ATP6V1B1: variants seen among roughly 807,000 people sequenced by gnomAD.
The protein encoded by ATP6V1B1 is V-type proton ATPase subunit B, kidney isoform.
A neutral mutation model predicts 62.1 loss-of-function variants in ATP6V1B1; 41 were observed. That is an observed-to-expected ratio of 0.66 (90% CI 0.51 to 0.86). The LOEUF (loss-of-function observed/expected upper bound fraction) is 0.86. ATP6V1B1 is among the 40% of genes least tolerant of loss of function. The pLI, the probability that ATP6V1B1 is intolerant of heterozygous loss-of-function variation, is 0.00. For synonymous variants in ATP6V1B1, 253 were observed against 273.4 expected (o/e 0.93, Z 0.74); for missense variants, 651 against 697.5 (o/e 0.93, Z 0.75).
intron 2 of ATP6V1B1, among the ~76,000 whole-genome samples, chr2:70,944,796 G>A (rs1328315942): frequency 6.6e-6 from 1 of 151,592 alleles, no homozygotes; most frequent in Non-Finnish European, 1.5e-5. Flanking sequence ...AGCCTCCCGA[G>A]TAGCTGGGAC....
In ATP6V1B1 at chr2:70,963,307, A is replaced by G. The variant is rs766481835; in HGVS notation, c.1055A>G (p.Asn352Ser). The change falls in exon 10 of 14, where the codon AAC (asparagine) becomes AGC (serine). Residue 352 changes from asparagine to serine, a missense_variant. Physicochemically the swap from Asn to Ser is conservative, Grantham distance 46 (BLOSUM62 1). Transcript: ENST00000234396. This position sits in a 1 kb window ranked among gnomAD's most constrained non-coding sequence, Gnocchi z 4.3. ...CAGATCCCCATCCTCACCATGCCCAACGACGGTAGCCTCCTCACAGCCCAC... is the reference window on the plus strand; with the variant it reads ...CAGATCCCCATCCTCACCATGCCCAGCGACGGTAGCCTCCTCACAGCCCAC... ...ITQIPILTMP[N>S]DDITHPIPDL... The G allele has an allele frequency of 6.8e-6, 11 of 1,612,884 alleles. No homozygotes were observed. Among genetic ancestry groups the G allele is most frequent in the Non-Finnish European group, 8.5e-6 (10 of 1,180,002 alleles).
intron 2 of ATP6V1B1, among the ~76,000 whole-genome samples, chr2:70,956,866 T>A (rs1449330297): frequency 6.6e-6 from 1 of 152,190 alleles, no homozygotes; most frequent in Non-Finnish European, 1.5e-5. Flanking sequence ...ATTACAGGCA[T>A]GAACCACCTT....
chr2:70,952,160 T>G (rs1553418387), intron 2 of ATP6V1B1, among the ~76,000 whole-genome samples: 3 of 152,072 alleles, frequency 2.0e-5, no homozygotes, highest in Non-Finnish European at 4.4e-5. Context: ...TATATAGAAT[T>G]GTATTAGAAA....
intron 6 of ATP6V1B1, 111 bp downstream of exon 6, chr2:70,960,189 C>G: frequency 6.6e-7 from 1 of 1,506,164 alleles, no homozygotes. Flanking sequence ...GCTGGCAGGG[C>G]TGGGGTCGCC....
chr2:70,963,192 C>G lies in ATP6V1B1; in HGVS notation c.940C>G (p.Arg314Gly), dbSNP rs147187470. The G allele has an allele frequency of 1.2e-6, 2 of 1,613,992 alleles. No individual in the cohort carries two copies. The highest frequency in any genetic ancestry group is 1.7e-6 in the Non-Finnish European group (2 of 1,180,032). ...TGCTGCTAGAGAGGAGGTGCCTGGG[C>G]GCCGAGGGTTTCCTGGATATATGTA... ...VSAAREEVPGRRGFPGYMYTD... is the reference protein window; with the variant it reads ...VSAAREEVPGGRGFPGYMYTD... Residue 314 changes from arginine to glycine, a missense_variant, in exon 10 of 14, where the codon CGC (arginine) becomes GGC (glycine). Transcript: ENST00000234396. This position sits in a 1 kb window ranked among gnomAD's most constrained non-coding sequence, Gnocchi z 4.3.
Position 70,965,121 on chromosome 2 carries a change from GC to G in ATP6V1B1, c.*4del. ...ACCTCGCGCCTGACACTGCGCTCTAGCCCCGCGCGCCGTGGCACCCCAACAC... is the reference window on the plus strand; with the variant it reads ...ACCTCGCGCCTGACACTGCGCTCTAGCCCGCGCGCCGTGGCACCCCAACAC... On this transcript the variant is annotated 3_prime_UTR_variant, in exon 14 of 14. Transcript: ENST00000234396. 6.2e-7 allele frequency: 1 copy of G among 1,608,836 alleles called. No individual in the cohort carries two copies.
At position 70,964,875 on chromosome 2, in the gene ATP6V1B1, G is replaced by A. The variant is rs782676816; in HGVS notation, c.1378+10G>A. The A allele has an allele frequency of 6.9e-5, 111 of 1,613,930 alleles. No homozygotes were observed. In the Admixed American group the frequency reaches 1.6e-3, roughly 23 times the overall value. ...AACTTCATCAATCAGGGTAAGGCGC[G>A]TCGCTGGTGTGGAGCCAGTAACCTC... On this transcript the variant is annotated intron_variant, in intron 13 of 13. Transcript: ENST00000234396.
At chr2:70,950,443 A>G (rs1680295564) in intron 2 of ATP6V1B1, among the ~76,000 whole-genome samples, 1 of 152,118 alleles carries the variant, frequency 6.6e-6, no homozygotes, top group Non-Finnish European at 1.5e-5. Flanking sequence ...CATTAAGACA[A>G]TAATGTTCTT....
At chr2:70,944,671 T>TC (rs1680103740) in intron 2 of ATP6V1B1, among the ~76,000 whole-genome samples, 1 of 145,152 alleles carries the variant, frequency 6.9e-6, no homozygotes, top group South Asian at 2.2e-4. Context: ...GTCTTTTCTT[T>TC]TTTTTTTTTT....
rs566218961 is a variant in ATP6V1B1, at chr2:70,965,295, C to T, written c.*174C>T. On this transcript the variant is annotated 3_prime_UTR_variant, in exon 14 of 14. Transcript: ENST00000234396. ...CTTTCCCTCGCTCGATTCCTTTTCC[C>T]GCGCTCCATGCCTCCCCCTCGACTC... 65 of 927,508 alleles carry T rather than the reference C, an allele frequency of 7.0e-5. No homozygotes were observed. In the African/African-American group the frequency reaches 9.1e-4, roughly 13 times the overall value. The allele number at this position is 927,508 out of a possible 1,614,324, so 57.5% of individuals were successfully genotyped here.
chr2:70,945,491 T>A (rs1572910115), intron 2 of ATP6V1B1, among the ~76,000 whole-genome samples: 1 of 108,212 alleles, frequency 9.2e-6, no homozygotes, highest in Non-Finnish European at 1.9e-5. Context: ...GAGGATAGAG[T>A]ATGTAGAAAG....
chr2:70,938,624 A>G (rs1553415924), intron 1 of ATP6V1B1: 1 of 985,238 alleles, frequency 1.0e-6, no homozygotes, highest in African/African-American at 1.7e-5. Flanking sequence ...GAGACACTAG[A>G]AAGAGTGGAG....
rs782110679 is a variant in ATP6V1B1, at chr2:70,963,193, G to A, written c.941G>A (p.Arg314His). Reference protein sequence around the residue: ...VSAAREEVPGRRGFPGYMYTD... With the variant: ...VSAAREEVPGHRGFPGYMYTD... Reference sequence around the variant, plus strand: ...GCTGCTAGAGAGGAGGTGCCTGGGCGCCGAGGGTTTCCTGGATATATGTAC... The same window carrying A: ...GCTGCTAGAGAGGAGGTGCCTGGGCACCGAGGGTTTCCTGGATATATGTAC... The change falls in exon 10 of 14, where the codon CGC (arginine) becomes CAC (histidine). Residue 314 changes from arginine (R) to histidine (H), a missense_variant. Arg to His is a conservative substitution (Grantham distance 29). Transcript: ENST00000234396. The surrounding 1 kb of genome is among the most constrained non-coding windows in gnomAD (Gnocchi z 4.3). 109 of 1,613,960 alleles carry A rather than the reference G, an allele frequency of 6.8e-5. No individual in the cohort carries two copies. The highest frequency in any genetic ancestry group is 8.5e-5 in the Non-Finnish European group (100 of 1,180,038).
chr2:70,941,784 G>A (rs570613154), intron 1 of ATP6V1B1: 16 of 985,734 alleles, frequency 1.6e-5, no homozygotes, highest in African/African-American at 1.2e-4. Flanking sequence ...GCCAAACCTC[G>A]AAGTCCTCCA....
At chr2:70,951,941 A>T (rs1419551139) in intron 2 of ATP6V1B1, among the ~76,000 whole-genome samples, 1 of 152,168 alleles carries the variant, frequency 6.6e-6, no homozygotes, top group Non-Finnish European at 1.5e-5. Flanking sequence ...TTCTCTGTTT[A>T]TGTTTAATTT....
intron 3 of ATP6V1B1, 41 bp from the exon 4 acceptor site, chr2:70,958,292 A>T (rs1448645815): frequency 6.2e-7 from 1 of 1,609,332 alleles, no homozygotes; most frequent in Non-Finnish European, 8.5e-7. Flanking sequence ...CATTCCCTCC[A>T]GCAGGCCCCT....
At chr2:70,949,508 C>G (rs1000711717) in intron 2 of ATP6V1B1, among the ~76,000 whole-genome samples, 6 of 152,062 alleles carry the variant, frequency 3.9e-5, no homozygotes, top group Non-Finnish European at 7.4e-5. Context: ...GATGGCTTGC[C>G]CAGAAGGGTT....
chr2:70,944,633 A>G (rs566690018), intron 2 of ATP6V1B1, among the ~76,000 whole-genome samples: 51 of 150,464 alleles, frequency 3.4e-4, no homozygotes, highest in African/African-American at 1.1e-3. Context: ...AAATTTGCCC[A>G]GGGCTCTCCA....
intron 1 of ATP6V1B1, chr2:70,939,593 C>A (rs1224037294): frequency 6.6e-6 from 1 of 152,234 alleles, no homozygotes. Context: ...ACAAAAGGAC[C>A]GGCTTGCAGT....
Sources: gnomAD v4.1 joint callset for allele counts (sites outside exome capture counted in the v4.1 genomes callset) on GRCh38, gnomAD v4.1.1 for gene constraint, Gnocchi (gnomAD v3.1) non-coding constraint, MANE v1.5 for transcripts, NCBI Gene and HGNC (gene_info 2026-07-23, HGNC 2026-07-21) for gene names.